Variants in TENM4 observed in about 807,000 individuals in gnomAD.
TENM4 encodes the protein teneurin transmembrane protein 4, also known as teneurin-4.
TENM4 carries 82 observed loss-of-function variants against 243.3 expected under a neutral mutation model. The observed-to-expected ratio is 0.34, with a 90% confidence interval of 0.28 to 0.40. The LOEUF is 0.40. Ranked by LOEUF, TENM4 falls within the 10% of genes least tolerant of loss-of-function variation. The pLI, the probability that TENM4 is intolerant of heterozygous loss-of-function variation, is 1.00. For missense variants in TENM4, 3,138 were observed against 3,673.3 expected (o/e 0.85, Z 3.77); for synonymous variants, 1,412 against 1,456.3 (o/e 0.97, Z 0.69).
At chr11:79,400,827 G>T (rs1393078506) in intron 1 of TENM4, among the ~76,000 whole-genome samples, 2 of 152,186 alleles carry the variant, frequency 1.3e-5, no homozygotes, top group African/African-American at 4.8e-5. Flanking sequence ...AGACATTGCA[G>T]TTTGCCATCG....
chr11:78,904,377 T>TAAAAAAAAAAAAAAAAAAAA (rs1333665292), intron 6 of TENM4, among the ~76,000 whole-genome samples: 9 of 100,176 alleles, frequency 9.0e-5, no homozygotes, highest in African/African-American at 4.1e-4. Flanking sequence ...AAAAAAAAAG[T>TAAAAAAAAAAAAAAAAAAAA]AAAACATAGA....
At chr11:78,872,390 G>A (rs1206391008) in intron 9 of TENM4, among the ~76,000 whole-genome samples, 5 of 152,176 alleles carry the variant, frequency 3.3e-5, no homozygotes, top group Admixed American at 3.3e-4. Context: ...GAACCCAAAG[G>A]ATCTCCTGCC....
chr11:79,434,695 T>A (rs1291080856), intron 1 of TENM4, among the ~76,000 whole-genome samples: 1 of 152,164 alleles, frequency 6.6e-6, no homozygotes, highest in Non-Finnish European at 1.5e-5. Flanking sequence ...CACCTGGGCT[T>A]CCAAGCCTGT....
rs1022058825 is a variant in TENM4 at position 78,823,168 on chromosome 11, C to T, written c.1682-8773G>A. ...TGCCGCGCTCTTCAAGAGCACTAGGCCCTTCTGAGGAGAGGCGAGCGCTCC... is the reference window on the plus strand; with the variant it reads ...TGCCGCGCTCTTCAAGAGCACTAGGTCCTTCTGAGGAGAGGCGAGCGCTCC... On this transcript the variant is annotated intron_variant, in intron 12 of 33. Coordinates refer to ENST00000278550, the MANE Select transcript of TENM4 (RefSeq NM_001098816.3). Among the ~76,000 whole-genome samples the T allele has an allele frequency of 3.3e-5, 5 of 152,228 alleles. No individual in the cohort carries two copies. The East Asian group carries it at 9.6e-4, about 29-fold the overall frequency.
chr11:79,295,625 A>G, intron 2 of TENM4, among the ~76,000 whole-genome samples: 1 of 152,252 alleles, frequency 6.6e-6, no homozygotes, highest in East Asian at 1.9e-4. Flanking sequence ...AAGAGATCAG[A>G]CAAGCACTGG....
At chr11:78,993,558 A>G (rs184510861) in intron 6 of TENM4, among the ~76,000 whole-genome samples, 16 of 151,928 alleles carry the variant, frequency 1.1e-4, no homozygotes, top group Non-Finnish European at 2.2e-4. Flanking sequence ...TTCAGCCTTT[A>G]TTCTTCTCTC....
At chr11:78,831,346 C>A (rs1296837058) in intron 12 of TENM4, among the ~76,000 whole-genome samples, 1 of 152,230 alleles carries the variant, frequency 6.6e-6, no homozygotes, top group Non-Finnish European at 1.5e-5. Context: ...CCCCAGCTCC[C>A]AGCTCCCAGC....
intron 6 of TENM4, among the ~76,000 whole-genome samples, chr11:78,941,152 G>A (rs1856885590): frequency 6.6e-6 from 1 of 152,176 alleles, no homozygotes; most frequent in Non-Finnish European, 1.5e-5. Flanking sequence ...GGATCCCCGT[G>A]GGCTTGACAC....
chr11:79,192,069 G>T (rs891281472), intron 3 of TENM4, among the ~76,000 whole-genome samples: 13 of 148,094 alleles, frequency 8.8e-5, no homozygotes, highest in African/African-American at 3.0e-4. Flanking sequence ...TGCCCAGCCA[G>T]CCGTCCCGTC....
chr11:79,370,272 C>T (rs1857756395), intron 1 of TENM4, among the ~76,000 whole-genome samples: 1 of 152,190 alleles, frequency 6.6e-6, no homozygotes, highest in South Asian at 2.1e-4. Context: ...ATTATCATGA[C>T]AGCACAGGCT....
intron 10 of TENM4, among the ~76,000 whole-genome samples, 180 bp from the exon 11 acceptor site, chr11:78,856,358 A>AC (rs1443735069): frequency 6.6e-6 from 1 of 152,122 alleles, no homozygotes; most frequent in Non-Finnish European, 1.5e-5. Context: ...AAGGTCCAGA[A>AC]CTTTTTTTTC....
chr11:79,169,762 T>C (rs1439217686), intron 3 of TENM4, among the ~76,000 whole-genome samples: 1 of 152,222 alleles, frequency 6.6e-6, no homozygotes, highest in Non-Finnish European at 1.5e-5. Context: ...AACATTCTGA[T>C]GCACAGGTTG....
chr11:79,248,696 T>G (rs1213773081), intron 2 of TENM4, among the ~76,000 whole-genome samples: 1 of 152,246 alleles, frequency 6.6e-6, no homozygotes, highest in South Asian at 2.1e-4. Context: ...CTTTGAGTTA[T>G]GAAGTGCACT....
At chr11:78,798,732 C>T (rs1340880388) in intron 15 of TENM4, among the ~76,000 whole-genome samples, 1 of 151,998 alleles carries the variant, frequency 6.6e-6, no homozygotes, top group Non-Finnish European at 1.5e-5. Flanking sequence ...CACGCTGTTC[C>T]CTTGGCCTGC....
In TENM4 at chr11:79,131,618, A is replaced by T. The variant is rs576123819; in HGVS notation, c.-66+17092T>A. Among the ~76,000 whole-genome samples, 38 of 152,298 alleles carry T rather than the reference A, an allele frequency of 2.5e-4. 1 individual carries two copies. The highest frequency in any genetic ancestry group is 9.1e-4 in the African/African-American group (38 of 41,576). ...CACAGAACCTATAAAACAAAAATAC[A>T]AGTTAAAAAGCAAAAACAAAAAACA... On this transcript the variant is annotated intron_variant, in intron 4 of 33. Transcript: ENST00000278550.
intron 6 of TENM4, among the ~76,000 whole-genome samples, chr11:79,051,117 T>C (rs1485938074): frequency 6.6e-6 from 1 of 152,200 alleles, no homozygotes; most frequent in Non-Finnish European, 1.5e-5. Context: ...AAACAAAATA[T>C]GAAAACACTT....
intron 2 of TENM4, among the ~76,000 whole-genome samples, chr11:79,224,208 G>A (rs1255025631): frequency 6.6e-6 from 1 of 152,174 alleles, no homozygotes; most frequent in East Asian, 1.9e-4. Context: ...TGGACTGACT[G>A]ATCTGACAGA....
intron 4 of TENM4, chr11:79,092,918 T>G (rs1860995147): frequency 6.6e-6 from 1 of 152,216 alleles, no homozygotes; most frequent in Non-Finnish European, 1.5e-5. Context: ...CTTGTTTTCC[T>G]TATCTGCAGT....
chr11:78,724,015 C>A (rs186726788), intron 23 of TENM4, among the ~76,000 whole-genome samples: 26 of 150,962 alleles, frequency 1.7e-4, no homozygotes, highest in African/African-American at 5.8e-4. Flanking sequence ...TTCTTGCCTA[C>A]CCTCCCTCCT....
Sources: allele counts gnomAD v4.1 joint callset (sites outside exome capture counted in the v4.1 genomes callset), GRCh38; gene constraint gnomAD v4.1.1; transcripts MANE v1.5; gene names NCBI Gene and HGNC (gene_info 2026-07-23, HGNC 2026-07-21).